Variants in TAF2 observed in about 807,000 individuals in gnomAD.
The protein encoded by TAF2 is transcription initiation factor TFIID subunit 2.
Under a neutral mutation model 138.5 loss-of-function variants are expected in TAF2, and 61 were observed. That is an observed-to-expected ratio of 0.44 (90% CI 0.36 to 0.54). The LOEUF (loss-of-function observed/expected upper bound fraction) is 0.54. TAF2 is among the 20% of genes least tolerant of loss of function. The pLI is 0.00. For missense variants in TAF2, 1,090 were observed against 1,427.9 expected, an observed-to-expected ratio of 0.76 and a Z score of 3.81; for synonymous variants, 475 against 469.9, an observed-to-expected ratio of 1.01 and a Z score of -0.14.
intron 25 of TAF2, among the ~76,000 whole-genome samples, chr8:119,740,662 C>CAAAA (rs773347068): frequency 3.9e-5 from 2 of 51,510 alleles, no homozygotes; most frequent in South Asian, 6.0e-4. Context: ...GAGACTGTCT[C>CAAAA]AAAAAAAAAA....
intron 2 of TAF2, among the ~76,000 whole-genome samples, chr8:119,826,154 T>TGA (rs1826085371): frequency 2.0e-5 from 3 of 151,290 alleles, no homozygotes; most frequent in Non-Finnish European, 3.0e-5. Flanking sequence ...AAGAAATACC[T>TGA]AATGTAGGTG....
intron 10 of TAF2, among the ~76,000 whole-genome samples, chr8:119,793,108 A>T (rs562396354): frequency 4.6e-5 from 7 of 151,992 alleles, no homozygotes; most frequent in South Asian, 2.1e-4. Context: ...AAAAAAAATT[A>T]AAAAAAAATT....
intron 11 of TAF2, 33 bp downstream of exon 11, chr8:119,791,291 T>A: frequency 1.2e-6 from 2 of 1,607,774 alleles, no homozygotes; most frequent in Non-Finnish European, 1.7e-6. Flanking sequence ...GATCTTTATT[T>A]ACCATTGTTA....
intron 15 of TAF2, among the ~76,000 whole-genome samples, chr8:119,784,476 G>A (rs964243303): frequency 2.6e-5 from 4 of 152,116 alleles, no homozygotes; most frequent in African/African-American, 7.2e-5. Flanking sequence ...TCCAGCCTGG[G>A]CAACCAAGCA....
chr8:119,748,008 C>T (rs912474222), intron 22 of TAF2, among the ~76,000 whole-genome samples: 2 of 152,058 alleles, frequency 1.3e-5, no homozygotes, highest in South Asian at 4.2e-4. Flanking sequence ...ACTGTAATCC[C>T]AGCTACTTGG....
At position 119,795,519 on chromosome 8, in the gene TAF2, T is replaced by C; in HGVS notation, c.1191+13A>G. The C allele has an allele frequency of 6.2e-7, 1 of 1,600,992 alleles. No homozygotes were observed. Among genetic ancestry groups the C allele is most frequent in the African/African-American group, 1.3e-5 (1 of 74,772 alleles). On this transcript the variant is annotated intron_variant, in intron 9 of 25. Coordinates refer to ENST00000378164, the MANE Select transcript of TAF2 (RefSeq NM_003184.4). ...AAGACTTGTAAGTGGATAAGGGATC[T>C]AGCTGTTATTACCTCTTTAATCCAA...
chr8:119,811,531 G>A (rs1048817454), intron 3 of TAF2, among the ~76,000 whole-genome samples: 1 of 152,132 alleles, frequency 6.6e-6, no homozygotes, highest in African/African-American at 2.4e-5. Context: ...AACAGGCCGG[G>A]CACGGTGGCT....
At chr8:119,734,971 C>G (rs961542285) in intron 25 of TAF2, among the ~76,000 whole-genome samples, 6 of 152,152 alleles carry the variant, frequency 3.9e-5, no homozygotes, top group African/African-American at 1.4e-4. Flanking sequence ...GGACGGTTTT[C>G]TTCAAATTTC....
chr8:119,746,617 A>C, intron 23 of TAF2, 88 bp downstream of exon 23: 1 of 1,381,052 alleles, frequency 7.2e-7, no homozygotes, highest in Admixed American at 1.7e-5. Flanking sequence ...TAGTGGCTAT[A>C]AAATTCACTA....
At chr8:119,788,510 T>A in intron 13 of TAF2, 63 bp from the exon 14 acceptor site, 1 of 1,210,490 alleles carries the variant, frequency 8.3e-7, no homozygotes, top group Non-Finnish European at 1.2e-6. Flanking sequence ...TGTATGCTTA[T>A]GTGTACAGAG....
In TAF2 at chr8:119,812,751, G is replaced by GTGTA. The variant is rs1373558970; in HGVS notation, c.300-6351_300-6350insTACA. ...TGTGTGTGTGTGTGTGTGTGTGTGT[G>GTGTA]TATATATGTGTGTATATATGGTGTA... On this transcript the variant is annotated intron_variant, in intron 3 of 25. Transcript: ENST00000378164. Among the ~76,000 whole-genome samples the GTGTA allele has an allele frequency of 5.8e-5, 5 of 86,580 alleles. No homozygotes were observed. In the South Asian group the frequency reaches 9.2e-4, roughly 16 times the overall value. 56.8% of individuals were successfully genotyped at this position (86,580 alleles called of 152,430 possible).
At chr8:119,739,538 C>T (rs1819456780) in intron 25 of TAF2, among the ~76,000 whole-genome samples, 1 of 151,848 alleles carries the variant, frequency 6.6e-6, no homozygotes, top group Non-Finnish European at 1.5e-5. Flanking sequence ...ATAATGTGTC[C>T]TCTACTTAAC....
At chr8:119,806,198 G>T in intron 4 of TAF2, 85 bp downstream of exon 4, 2 of 1,138,794 alleles carry the variant, frequency 1.8e-6, no homozygotes, top group Non-Finnish European at 1.3e-6. Context: ...CACAGTGCCT[G>T]CATCATTAGT....
Position 119,831,684 on chromosome 8 carries a change from G to C in TAF2, c.131C>G (p.Ser44Cys), listed in dbSNP as rs1826455116. The C allele has an allele frequency of 6.2e-7, 1 of 1,604,616 alleles. No individual in the cohort carries two copies. Among genetic ancestry groups the C allele is most frequent in the African/African-American group, 1.3e-5 (1 of 74,798 alleles). The change falls in exon 2 of 26, where the codon TCT becomes TGT. Residue 44 changes from serine to cysteine, a missense_variant. Around this residue, in one of 3 missense-constraint regions of TAF2, gnomAD observed 504 missense variants for 680.9 expected, o/e 0.74. Coordinates refer to ENST00000378164, the MANE Select transcript of TAF2 (RefSeq NM_003184.4). ...CINNINFQRKSVVGFVELTIF... is the reference protein window; with the variant it reads ...CINNINFQRKCVVGFVELTIF... ...TGTTGAGAATAAACTTACCACAACA[G>C]ATTTTCTCTGGAAATTTATGTTGTT...
chr8:119,779,368 T>A lies in TAF2; in HGVS notation c.2254-1239A>T, dbSNP rs535717967. ...TATTCTGTTTTATTTAAAAAAAAAA[T>A]AAAAATAGAAATAAAAACTACACTG... On this transcript the variant is annotated intron_variant, in intron 17 of 25. Transcript: ENST00000378164. 4.9e-4 allele frequency among the ~76,000 whole-genome samples: 73 copies of A among 150,032 alleles called. 1 individual carries two copies. The highest frequency in any genetic ancestry group is 3.3e-4 in the Non-Finnish European group (22 of 67,390).
chr8:119,832,620 C>T lies in TAF2; in HGVS notation c.-56G>A. 1 of 1,550,232 alleles carries T rather than the reference C, an allele frequency of 6.5e-7. No individual in the cohort carries two copies. Among genetic ancestry groups the T allele is most frequent in the Non-Finnish European group, 8.8e-7 (1 of 1,131,966 alleles). ...CTTCCTAGGGGGATACGGGGCATTACTAGTCTTTGGCACCTCACACTCTCC... is the reference window on the plus strand; with the variant it reads ...CTTCCTAGGGGGATACGGGGCATTATTAGTCTTTGGCACCTCACACTCTCC... On this transcript the variant is annotated 5_prime_UTR_variant, in exon 1 of 26. Coordinates refer to ENST00000378164, the MANE Select transcript of TAF2 (RefSeq NM_003184.4).
intron 23 of TAF2, among the ~76,000 whole-genome samples, chr8:119,746,463 C>T (rs6994604): frequency 0.45 from 67,248 of 149,210 alleles, 15,415 homozygotes; most frequent in Admixed American, 0.54. Context: ...AAAAAAATAA[C>T]TAGGTTATCA....
rs745729569 is a variant in TAF2, at chr8:119,793,459, AT to A, written c.1192-9del. ...CACTATTTTGTCTAGCTCCTAAAAA[AT>A]ATATAAAAATAGGAGTCAGTAAAAT... On this transcript the variant is annotated splice_polypyrimidine_tract_variant and intron_variant, in intron 9 of 25. Transcript: ENST00000378164. The A allele has an allele frequency of 1.9e-6, 3 of 1,603,982 alleles. No homozygotes were observed. The highest frequency in any genetic ancestry group is 2.7e-5 in the African/African-American group (2 of 74,654).
At chr8:119,778,566 T>G (rs1822421920) in intron 17 of TAF2, among the ~76,000 whole-genome samples, 1 of 152,190 alleles carries the variant, frequency 6.6e-6, no homozygotes, top group South Asian at 2.1e-4. Flanking sequence ...CTAGGTGCCT[T>G]TAGCTCGTTG....
Sources: allele counts gnomAD v4.1 joint callset (sites outside exome capture counted in the v4.1 genomes callset), GRCh38; gene constraint gnomAD v4.1.1; regional missense constraint gnomAD v4.1.1; transcripts MANE v1.5; gene names NCBI Gene and HGNC (gene_info 2026-07-23, HGNC 2026-07-21).